Variants in LGR5 observed in about 807,000 individuals in gnomAD.
The protein encoded by LGR5 is leucine rich repeat containing G protein-coupled receptor 5.
A neutral mutation model predicts 76.7 loss-of-function variants in LGR5; 54 were observed. The ratio of observed to expected loss-of-function variants is 0.70; its 90% CI spans 0.57 to 0.88. The LOEUF (loss-of-function observed/expected upper bound fraction) is 0.88. Ranked by LOEUF, LGR5 falls within the 40% of genes least tolerant of loss-of-function variation. The pLI, the probability that LGR5 is intolerant of heterozygous loss-of-function variation, is 0.00. For missense variants in LGR5, 1,078 were observed against 1,073.3 expected, an observed-to-expected ratio of 1.00 and a Z score of -0.06; for synonymous variants, 406 against 421.9, an observed-to-expected ratio of 0.96 and a Z score of 0.46.
At chr12:71,480,892 TAAC>T (rs1414065722) in intron 1 of LGR5, among the ~76,000 whole-genome samples, 4 of 152,164 alleles carry the variant, frequency 2.6e-5, no homozygotes, top group African/African-American at 7.2e-5. Flanking sequence ...GATCAAGGTC[TAAC>T]AACAATAGGG....
chr12:71,570,343 T>A (rs2137452234), intron 11 of LGR5, among the ~76,000 whole-genome samples: 1 of 152,256 alleles, frequency 6.6e-6, no homozygotes, highest in Non-Finnish European at 1.5e-5. Flanking sequence ...TTAAAGTGCT[T>A]GGTCAGTGTT....
intron 8 of LGR5, among the ~76,000 whole-genome samples, chr12:71,565,328 C>T (rs1315834691): frequency 6.6e-6 from 1 of 151,214 alleles, no homozygotes; most frequent in African/African-American, 2.4e-5. Context: ...AATGAGCTTG[C>T]CAAGGTGTCT....
intron 11 of LGR5, among the ~76,000 whole-genome samples, chr12:71,569,409 A>C (rs909347983): frequency 3.3e-5 from 5 of 152,244 alleles, no homozygotes; most frequent in Non-Finnish European, 5.9e-5. Context: ...CAATCTATCC[A>C]TCTGCCAAGG....
chr12:71,514,518 A>G (rs1448118587), intron 2 of LGR5, among the ~76,000 whole-genome samples: 1 of 149,636 alleles, frequency 6.7e-6, no homozygotes, highest in African/African-American at 2.5e-5. Flanking sequence ...CAGTGAGCCC[A>G]GATCGCGCCA....
chr12:71,567,859 T>C (rs1797375), intron 11 of LGR5, among the ~76,000 whole-genome samples: 142,188 of 152,086 alleles, frequency 0.93, 67,274 homozygotes, highest in East Asian at 1. Flanking sequence ...CCCTACCCCA[T>C]CCCACCCCAT....
chr12:71,525,936 C>A (rs1346580356), intron 3 of LGR5, among the ~76,000 whole-genome samples: 4 of 151,218 alleles, frequency 2.6e-5, no homozygotes, highest in Non-Finnish European at 5.9e-5. Context: ...AATAGTTATA[C>A]CATTATATAT....
chr12:71,566,535 A>G, intron 9 of LGR5, 60 bp downstream of exon 9: 1 of 1,535,460 alleles, frequency 6.5e-7, no homozygotes, highest in East Asian at 2.2e-5. Flanking sequence ...TGAAAAACCA[A>G]ATGAATATTA....
At chr12:71,572,132 G>A (rs1148981) in intron 12 of LGR5, among the ~76,000 whole-genome samples, 105,793 of 149,300 alleles carry the variant, frequency 0.71, 40,058 homozygotes, top group Non-Finnish European at 0.85. Context: ...CGCCCAGGCC[G>A]GAGTGCATGG....
At chr12:71,496,865 A>G (rs1874347857) in intron 1 of LGR5, among the ~76,000 whole-genome samples, 3 of 152,208 alleles carry the variant, frequency 2.0e-5, no homozygotes, top group Admixed American at 2.0e-4. Flanking sequence ...CAGAAAGATT[A>G]AAAAGAAGCA....
At position 71,556,775 on chromosome 12, in the gene LGR5, TG is replaced by T. The variant is rs1289604460; in HGVS notation, c.716+86del. On this transcript the variant is annotated intron_variant, in intron 6 of 17. Coordinates refer to ENST00000266674, the MANE Select transcript of LGR5 (RefSeq NM_003667.4). ...TCAAAATAGCCTTAAAGCCAGACTT[TG>T]TTTGGTTTGGTTAATTGCCTAAGCT... The T allele has an allele frequency of 4.6e-6, 5 of 1,089,220 alleles. No individual in the cohort carries two copies. In the East Asian group the frequency reaches 1.2e-4, roughly 26 times the overall value. 67.5% of individuals were successfully genotyped at this position (1,089,220 alleles called of 1,614,324 possible). A position where few individuals can be genotyped will look rare whatever the true frequency, so the allele number is the denominator to read the frequency against.
At position 71,440,352 on chromosome 12, in the gene LGR5, A is replaced by C; in HGVS notation, c.212+60A>C. 6.5e-7 allele frequency: 1 copy of C among 1,541,742 alleles called. No homozygotes were observed. The highest frequency in any genetic ancestry group is 1.1e-5 in the South Asian group (1 of 89,102). Reference sequence around the variant, plus strand: ...CTAAGAGGGGAAGGAAGGTTCGTCCAAGGCGAGGCTGGAGGCTCCTCGGCG... The same window carrying C: ...CTAAGAGGGGAAGGAAGGTTCGTCCCAGGCGAGGCTGGAGGCTCCTCGGCG... On this transcript the variant is annotated intron_variant, in intron 1 of 17. Transcript: ENST00000266674. The surrounding 1 kb of genome is among the most constrained non-coding windows in gnomAD (Gnocchi z 5.3).
At chr12:71,445,661 T>C (rs1871957037) in intron 1 of LGR5, among the ~76,000 whole-genome samples, 1 of 152,194 alleles carries the variant, frequency 6.6e-6, no homozygotes, top group Non-Finnish European at 1.5e-5. Context: ...ATTTTTCTGT[T>C]TAATGGATTA....
intron 1 of LGR5, among the ~76,000 whole-genome samples, chr12:71,475,067 A>T (rs1873267871): frequency 6.6e-6 from 1 of 152,190 alleles, no homozygotes; most frequent in Non-Finnish European, 1.5e-5. Flanking sequence ...GTTCAAGAAG[A>T]TTCTCAGCCA....
At chr12:71,516,165 T>C (rs186537822) in intron 2 of LGR5, among the ~76,000 whole-genome samples, 16 of 152,276 alleles carry the variant, frequency 1.1e-4, no homozygotes, top group Admixed American at 5.2e-4. Flanking sequence ...AAGTGTAATT[T>C]TTTTTTAAAT....
rs375999240 is a variant in LGR5, at chr12:71,524,491, G to C, written c.356+14G>C. 1.9e-6 allele frequency: 3 copies of C among 1,578,686 alleles called. No homozygotes were observed. The African/African-American group carries it at 4.0e-5, about 21-fold the overall frequency. On this transcript the variant is annotated intron_variant, in intron 3 of 17. Coordinates refer to ENST00000266674, the MANE Select transcript of LGR5 (RefSeq NM_003667.4). ...TCTTAAAGTTCTGTAAGTAAACTGA[G>C]TGTTGTTGGATATATTTCTGATTTT...
At chr12:71,447,645 G>A (rs1729556990) in intron 1 of LGR5, among the ~76,000 whole-genome samples, 1 of 152,122 alleles carries the variant, frequency 6.6e-6, no homozygotes, top group Non-Finnish European at 1.5e-5. Flanking sequence ...GACTGTGATG[G>A]CCAAGGGGGA....
Position 71,479,584 on chromosome 12 carries a change from G to A in LGR5, c.213-25030G>A, listed in dbSNP as rs1024887197. On this transcript the variant is annotated intron_variant, in intron 1 of 17. Transcript: ENST00000266674. ...GGGAGGCAGGGAGAGGCAGGAAGAA[G>A]AGCAAGGAAAGGACATATTCTTTGA... 5.9e-5 allele frequency among the ~76,000 whole-genome samples: 9 copies of A among 152,142 alleles called. No individual in the cohort carries two copies. The South Asian group carries it at 1.9e-3, about 32-fold the overall frequency.
At chr12:71,546,317 A>AATATAT (rs57093154) in intron 4 of LGR5, among the ~76,000 whole-genome samples, 2,668 of 148,720 alleles carry the variant, frequency 0.018, 29 homozygotes, top group African/African-American at 0.03. Context: ...TCAGTCTCAA[A>AATATAT]ATATATATAT....
At chr12:71,515,577 A>C (rs1875394232) in intron 2 of LGR5, among the ~76,000 whole-genome samples, 1 of 152,220 alleles carries the variant, frequency 6.6e-6, no homozygotes, top group Non-Finnish European at 1.5e-5. Context: ...GAAGGAAAAC[A>C]GTACCAGAAA....
Sources: allele counts gnomAD v4.1 joint callset (sites outside exome capture counted in the v4.1 genomes callset), GRCh38; gene constraint gnomAD v4.1.1; non-coding constraint Gnocchi (gnomAD v3.1); transcripts MANE v1.5; gene names NCBI Gene and HGNC (gene_info 2026-07-23, HGNC 2026-07-21).